EPB41L5: variants seen among roughly 807,000 people sequenced by gnomAD.
EPB41L5 encodes the protein band 4.1-like protein 5.
In EPB41L5, 55 loss-of-function variants were observed where a neutral mutation model predicts 106.6. The observed-to-expected ratio is 0.52, with a 90% CI of 0.42 to 0.65. The LOEUF (loss-of-function observed/expected upper bound fraction) is 0.65, where lower values mean the gene tolerates loss of function less well. EPB41L5 is among the 30% of genes least tolerant of loss of function. The pLI is 0.00. For synonymous variants in EPB41L5, 297 were observed against 306.7 expected (o/e 0.97, Z 0.33); for missense variants, 871 against 882.1 (o/e 0.99, Z 0.16).
intron 3 of EPB41L5, among the ~76,000 whole-genome samples, chr2:120,072,830 A>G (rs1681966202): frequency 6.6e-6 from 1 of 152,106 alleles, no homozygotes; most frequent in Non-Finnish European, 1.5e-5. Context: ...TATCTAATGT[A>G]GATGATGTGT....
intron 17 of EPB41L5, among the ~76,000 whole-genome samples, chr2:120,129,345 A>C (rs978017912): frequency 1.5e-4 from 22 of 151,452 alleles, no homozygotes; most frequent in Non-Finnish European, 2.7e-4. Context: ...CAAAAAAAAA[A>C]AGAAAGAAAG....
intron 11 of EPB41L5, among the ~76,000 whole-genome samples, chr2:120,087,605 C>T (rs1683143987): frequency 6.6e-6 from 1 of 152,188 alleles, no homozygotes; most frequent in African/African-American, 2.4e-5. Context: ...CTCACTCAGC[C>T]TCCTGAGTAG....
intron 16 of EPB41L5, among the ~76,000 whole-genome samples, chr2:120,102,427 G>C (rs1004160798): frequency 6.6e-6 from 1 of 152,168 alleles, no homozygotes; most frequent in Non-Finnish European, 1.5e-5. Context: ...CCTCAGTGTA[G>C]GTCAACAAGG....
chr2:120,031,813 T>G (rs73948994), intron 2 of EPB41L5, among the ~76,000 whole-genome samples: 2 of 152,078 alleles, frequency 1.3e-5, no homozygotes, highest in Admixed American at 6.6e-5. Flanking sequence ...AACACTGATA[T>G]ACTGATTCTT....
chr2:120,065,305 G>A (rs4849814), intron 3 of EPB41L5, among the ~76,000 whole-genome samples: 104,363 of 151,120 alleles, frequency 0.69, 37,480 homozygotes, highest in Non-Finnish European at 0.79. Flanking sequence ...TTTTTTTTTT[G>A]GAGACCGGTC....
chr2:120,088,305 A>T (rs1270874539), intron 11 of EPB41L5, among the ~76,000 whole-genome samples: 1 of 152,200 alleles, frequency 6.6e-6, no homozygotes, highest in African/African-American at 2.4e-5. Flanking sequence ...GAGCTGGAGG[A>T]TATTATCCTT....
intron 10 of EPB41L5, among the ~76,000 whole-genome samples, chr2:120,081,140 T>C (rs1234674024): frequency 1.3e-5 from 2 of 152,244 alleles, no homozygotes; most frequent in Non-Finnish European, 2.9e-5. Context: ...ATTTTGGCTT[T>C]TGTTGCCATT....
intron 10 of EPB41L5, among the ~76,000 whole-genome samples, chr2:120,078,933 G>T (rs1389148762): frequency 2.6e-5 from 4 of 152,054 alleles, no homozygotes; most frequent in Non-Finnish European, 5.9e-5. Flanking sequence ...ACCCCCTATT[G>T]TGTAAGAGGA....
intron 16 of EPB41L5, among the ~76,000 whole-genome samples, chr2:120,117,059 GA>G (rs1354441066): frequency 5.3e-5 from 8 of 152,100 alleles, no homozygotes; most frequent in Admixed American, 5.2e-4. Flanking sequence ...AATATATAGA[GA>G]AAAGTTTATA....
intron 16 of EPB41L5, chr2:120,105,294 T>A: frequency 3.1e-6 from 3 of 964,174 alleles, no homozygotes; most frequent in Non-Finnish European, 3.7e-6. Context: ...TAGAAAAATT[T>A]TCAAATTTTT....
At chr2:120,118,710 G>C (rs865806360) in intron 16 of EPB41L5, among the ~76,000 whole-genome samples, 3 of 152,200 alleles carry the variant, frequency 2.0e-5, no homozygotes, top group African/African-American at 7.2e-5. Flanking sequence ...ATTCCATGGT[G>C]TAAATGTGCA....
chr2:120,060,087 C>T (rs1158535184), intron 3 of EPB41L5, among the ~76,000 whole-genome samples: 2 of 152,200 alleles, frequency 1.3e-5, no homozygotes, highest in African/African-American at 2.4e-5. Flanking sequence ...ATCAAAACAG[C>T]TAAAGTACAA....
intron 16 of EPB41L5, among the ~76,000 whole-genome samples, chr2:120,118,085 TGCTACATTTTAGAGGAATTCA>T (rs1685034608): frequency 6.6e-6 from 1 of 152,236 alleles, no homozygotes; most frequent in African/African-American, 2.4e-5. Context: ...TTTTCCTCAC[TGCTACATTTTAGAGGAATTCA>T]GCTATCCTTG....
intron 14 of EPB41L5, among the ~76,000 whole-genome samples, chr2:120,093,801 A>G (rs1169475634): frequency 6.6e-6 from 1 of 152,192 alleles, no homozygotes; most frequent in Non-Finnish European, 1.5e-5. Flanking sequence ...CTGGCTTTAC[A>G]AAATAAGTTT....
At chr2:120,035,019 T>C (rs1678953766) in intron 2 of EPB41L5, among the ~76,000 whole-genome samples, 1 of 152,240 alleles carries the variant, frequency 6.6e-6, no homozygotes, top group African/African-American at 2.4e-5. Flanking sequence ...AGTTGGTTTG[T>C]TTTATTATTT....
intron 20 of EPB41L5, among the ~76,000 whole-genome samples, chr2:120,150,599 T>C (rs186003176): frequency 4.1e-4 from 62 of 152,208 alleles, no homozygotes; most frequent in Admixed American, 3.6e-3. Flanking sequence ...ACCTTGGCCC[T>C]AAAAAGTGTT....
intron 10 of EPB41L5, among the ~76,000 whole-genome samples, chr2:120,084,211 TC>T (rs1682895898): frequency 6.6e-6 from 1 of 152,220 alleles, no homozygotes; most frequent in Admixed American, 6.5e-5. Context: ...TGCAGTTTCT[TC>T]CTAGCATCGA....
At chr2:120,077,662 C>A (rs1682343164) in intron 9 of EPB41L5, among the ~76,000 whole-genome samples, 1 of 151,984 alleles carries the variant, frequency 6.6e-6, no homozygotes, top group South Asian at 2.1e-4. Flanking sequence ...ACTGAGTAGG[C>A]TCTGTTAAAA....
At chr2:120,133,640 A>C (rs1351551030) in intron 18 of EPB41L5, among the ~76,000 whole-genome samples, 2 of 152,180 alleles carry the variant, frequency 1.3e-5, no homozygotes, top group Admixed American at 1.3e-4. Flanking sequence ...TGTGGGCTAA[A>C]GTGCTGTAAG....
Sources: allele counts gnomAD v4.1 joint callset (sites outside exome capture counted in the v4.1 genomes callset), GRCh38; gene constraint gnomAD v4.1.1; transcripts MANE v1.5; gene names NCBI Gene and HGNC (gene_info 2026-07-23, HGNC 2026-07-21).